DOCK3: variants seen among roughly 807,000 people sequenced by gnomAD.
DOCK3 encodes dedicator of cytokinesis 3, also known as dedicator of cytokinesis protein 3.
Under a neutral mutation model 265.6 loss-of-function variants are expected in DOCK3, and 60 were observed. The observed-to-expected ratio is 0.23, with a 90% CI of 0.18 to 0.28. The LOEUF (loss-of-function observed/expected upper bound fraction) is 0.28. Ranked by LOEUF, DOCK3 falls within the 10% of genes least tolerant of loss-of-function variation. The pLI is 1.00. For synonymous variants in DOCK3, 881 were observed against 938.0 expected (o/e 0.94, Z 1.11); for missense variants, 1,981 against 2,594.3 (o/e 0.76, Z 5.14).
intron 22 of DOCK3, among the ~76,000 whole-genome samples, chr3:51,254,774 A>G (rs2079454179): frequency 6.6e-6 from 1 of 151,952 alleles, no homozygotes; most frequent in Non-Finnish European, 1.5e-5. Flanking sequence ...TGCATGTGAG[A>G]TGGTTCTCCT....
At chr3:51,151,677 G>A (rs1239073900) in intron 10 of DOCK3, among the ~76,000 whole-genome samples, 6 of 152,198 alleles carry the variant, frequency 3.9e-5, no homozygotes, top group African/African-American at 1.4e-4. Context: ...AGGAGCTCTT[G>A]TAAGGCAGGC....
At chr3:50,945,888 G>T (rs547227612) in intron 5 of DOCK3, among the ~76,000 whole-genome samples, 1 of 151,998 alleles carries the variant, frequency 6.6e-6, no homozygotes. Context: ...CACTGTAGGG[G>T]ATAATGGGAC....
chr3:51,362,787 T>G, intron 49 of DOCK3, 113 bp downstream of exon 49: 1 of 1,424,964 alleles, frequency 7.0e-7, no homozygotes, highest in African/African-American at 1.4e-5. Context: ...ACTTAGAGAA[T>G]ACTCATTTGT....
chr3:50,885,363 AG>A lies in DOCK3; in HGVS notation c.163-4662del, dbSNP rs1360188172. Among the ~76,000 whole-genome samples, 13 of 75,930 alleles carry A rather than the reference AG, an allele frequency of 1.7e-4. 1 individual carries two copies. In the East Asian group the frequency reaches 6.4e-3, roughly 37 times the overall value. The allele number at this position is 75,930 out of a possible 152,430, so 49.8% of individuals were successfully genotyped here. A position where few individuals can be genotyped will look rare whatever the true frequency, so the allele number is the denominator to read the frequency against. On this transcript the variant is annotated intron_variant, in intron 3 of 52. Transcript: ENST00000266037. ...AAAAATGGTATAAGCTTTTGTATGCAGTTTTTTTTTTTTTTTTTGTATGGGC... is the reference window on the plus strand; with the variant it reads ...AAAAATGGTATAAGCTTTTGTATGCATTTTTTTTTTTTTTTTTGTATGGGC...
chr3:50,790,473 C>CTT (rs35664807), intron 2 of DOCK3, among the ~76,000 whole-genome samples: 22,618 of 131,830 alleles, frequency 0.17, 2,417 homozygotes, highest in South Asian at 0.36. Flanking sequence ...ATATTTAGAG[C>CTT]TTTTTTTTTT....
chr3:51,371,819 A>G (rs1252517366), intron 49 of DOCK3, among the ~76,000 whole-genome samples: 1 of 152,232 alleles, frequency 6.6e-6, no homozygotes, highest in Non-Finnish European at 1.5e-5. Context: ...GGATCAGGAT[A>G]TTGAGTATGC....
intron 43 of DOCK3, 41 bp downstream of exon 43, chr3:51,356,534 C>A (rs1333101046): frequency 1.9e-6 from 3 of 1,587,882 alleles, no homozygotes; most frequent in South Asian, 1.1e-5. Flanking sequence ...CACAACTGCT[C>A]CATCAGCCCC....
At chr3:50,767,683 G>A (rs1057197028) in intron 1 of DOCK3, among the ~76,000 whole-genome samples, 4 of 152,026 alleles carry the variant, frequency 2.6e-5, no homozygotes, top group African/African-American at 4.8e-5. Flanking sequence ...GATGGGGATG[G>A]CATTGAATCT....
In DOCK3 at chr3:50,750,503, T is replaced by A. The variant is rs2039728013; in HGVS notation, c.38-28172T>A. 2.0e-5 allele frequency among the ~76,000 whole-genome samples: 3 copies of A among 152,148 alleles called. No homozygotes were observed. The South Asian group carries it at 6.2e-4, about 32-fold the overall frequency. The stretch of plus-strand genomic sequence containing the variant: ...TGCCACCACGCCCAGCTAATTTTTG[T>A]ATTTTTAGTAGAGACGGGGTTTCAC... On this transcript the variant is annotated intron_variant, in intron 1 of 52. Transcript: ENST00000266037.
At chr3:51,354,732 C>A in intron 40 of DOCK3, 150 bp from the exon 41 acceptor site, 2 of 1,215,964 alleles carry the variant, frequency 1.6e-6, no homozygotes, top group Non-Finnish European at 2.2e-6. Context: ...CTTCTGCCTC[C>A]TTGAGTGCAA....
intron 5 of DOCK3, among the ~76,000 whole-genome samples, chr3:50,936,350 A>C (rs2051359281): frequency 6.6e-6 from 1 of 151,654 alleles, no homozygotes; most frequent in Non-Finnish European, 1.5e-5. Context: ...AGAATACTAG[A>C]TAGAGAGGAC....
At chr3:50,767,547 T>C (rs2040975801) in intron 1 of DOCK3, among the ~76,000 whole-genome samples, 8 of 152,180 alleles carry the variant, frequency 5.3e-5, no homozygotes, top group Admixed American at 5.2e-4. Context: ...TGAGGTCAGG[T>C]AGCATGATGC....
At chr3:50,953,832 T>G (rs966551872) in intron 5 of DOCK3, among the ~76,000 whole-genome samples, 23 of 152,164 alleles carry the variant, frequency 1.5e-4, no homozygotes, top group African/African-American at 5.1e-4. Flanking sequence ...GCTGTTAAGC[T>G]TTCACGTGCA....
At chr3:50,928,278 T>C (rs1347946687) in intron 4 of DOCK3, among the ~76,000 whole-genome samples, 2 of 152,044 alleles carry the variant, frequency 1.3e-5, no homozygotes, top group Non-Finnish European at 2.9e-5. Context: ...AAAAGAATCT[T>C]TGTCCCTGTT....
chr3:51,047,509 C>G (rs566024477), intron 5 of DOCK3, among the ~76,000 whole-genome samples: 2 of 151,140 alleles, frequency 1.3e-5, no homozygotes, highest in Admixed American at 1.3e-4. Context: ...ATAAAATCAA[C>G]AAACAGGTAG....
chr3:51,070,333 T>G (rs2081807520), intron 6 of DOCK3, among the ~76,000 whole-genome samples: 1 of 152,204 alleles, frequency 6.6e-6, no homozygotes, highest in Admixed American at 6.5e-5. Flanking sequence ...TATTATAACT[T>G]TCACAGTTAT....
In DOCK3 at chr3:50,675,564, G is replaced by C. The variant is rs544494807; in HGVS notation, c.37+264G>C. ...CCCGCGGGAGGGGTGGGCAAGGCCC[G>C]GGCAGTTGCCCGAGGTTTCTGGTGT... On this transcript the variant is annotated intron_variant, in intron 1 of 52. Coordinates refer to ENST00000266037, the MANE Select transcript of DOCK3 (RefSeq NM_004947.5). The surrounding 1 kb of genome is among the most constrained non-coding windows in gnomAD (Gnocchi z 6.1). Among the ~76,000 whole-genome samples the C allele has an allele frequency of 6.6e-6, 1 of 152,160 alleles. No individual in the cohort carries two copies. The highest frequency in any genetic ancestry group is 1.9e-4 in the East Asian group (1 of 5,190).
chr3:51,289,594 A>G (rs1297053237), intron 27 of DOCK3, among the ~76,000 whole-genome samples: 3 of 152,180 alleles, frequency 2.0e-5, no homozygotes, highest in African/African-American at 7.2e-5. Flanking sequence ...TAAATAGATT[A>G]AATTCTCCAA....
rs944399168 is a variant in DOCK3, at chr3:51,361,474, T to TG, written c.5007-378dup. ...CCAAGAAGCAGATCCCATCATGGTG[T>TG]GGGGGGGTTGGGGGGTGGGCACTGA... On this transcript the variant is annotated intron_variant, in intron 47 of 52. Coordinates refer to ENST00000266037, the MANE Select transcript of DOCK3 (RefSeq NM_004947.5). This position sits in a 1 kb window ranked among gnomAD's most constrained non-coding sequence, Gnocchi z 4.2. 6.0e-5 allele frequency among the ~76,000 whole-genome samples: 6 copies of TG among 100,574 alleles called. No individual in the cohort carries two copies. The highest frequency in any genetic ancestry group is 3.4e-4 in the Admixed American group (3 of 8,716). The allele number at this position is 100,574 out of a possible 152,430, so 66.0% of individuals were successfully genotyped here. A position where few individuals can be genotyped will look rare whatever the true frequency, so the allele number is the denominator to read the frequency against.
Sources: gnomAD v4.1 joint callset for allele counts (sites outside exome capture counted in the v4.1 genomes callset) on GRCh38, gnomAD v4.1.1 for gene constraint, Gnocchi (gnomAD v3.1) non-coding constraint, MANE v1.5 for transcripts, NCBI Gene and HGNC (gene_info 2026-07-23, HGNC 2026-07-21) for gene names.